The following PCDHGA6 variants were observed in gnomAD, a reference collection of about 807,000 sequenced individuals.
The protein encoded by PCDHGA6 is protocadherin gamma-A6.
Under a neutral mutation model 60.6 loss-of-function variants are expected in PCDHGA6, and 41 were observed. The observed-to-expected ratio is 0.68, with a 90% CI of 0.53 to 0.88. The LOEUF is 0.88. PCDHGA6 is among the 40% of genes least tolerant of loss of function. The pLI, the probability that PCDHGA6 is intolerant of heterozygous loss-of-function variation, is 0.00. For missense variants in PCDHGA6, 1,312 were observed against 1,203.0 expected (o/e 1.09, Z -1.34); for synonymous variants, 594 against 524.4 (o/e 1.13, Z -1.81).
At position 141,426,001 on chromosome 5, in the gene PCDHGA6, T is replaced by C. The variant is rs553657872; in HGVS notation, c.2424+49494T>C. Among the ~76,000 whole-genome samples, 3 of 152,318 alleles carry C rather than the reference T, an allele frequency of 2.0e-5. No individual in the cohort carries two copies. In the South Asian group the frequency reaches 6.2e-4, roughly 32 times the overall value. The stretch of plus-strand genomic sequence containing the variant: ...TGAATCCCATTGAATTAGCAAAGGC[T>C]TCCGGCTGCAGTTTTCTAAATAGAC... On this transcript the variant is annotated intron_variant, in intron 1 of 3. Transcript: ENST00000517434.
Position 141,489,471 on chromosome 5 carries a change from G to A in PCDHGA6, c.2425-5336G>A. ...AGGAGAATGGGCGCTATTTTTCCCT[G>A]AGCTTGATGAGTGGTGCCCTGGCAG... On this transcript the variant is annotated intron_variant, in intron 1 of 3. Transcript: ENST00000517434. This position sits in a 1 kb window ranked among gnomAD's most constrained non-coding sequence, Gnocchi z 4.5. 1 of 1,614,074 alleles carries A rather than the reference G, an allele frequency of 6.2e-7. No homozygotes were observed. The highest frequency in any genetic ancestry group is 8.5e-7 in the Non-Finnish European group (1 of 1,180,026).
intron 1 of PCDHGA6, among the ~76,000 whole-genome samples, chr5:141,456,460 C>G (rs1444956833): frequency 6.6e-6 from 1 of 152,002 alleles, no homozygotes; most frequent in East Asian, 1.9e-4. Context: ...AATATCAATA[C>G]AAGACATATA....
chr5:141,436,240 G>T (rs192988618), intron 1 of PCDHGA6, among the ~76,000 whole-genome samples: 1 of 152,082 alleles, frequency 6.6e-6, no homozygotes. Context: ...AGCTAACATG[G>T]TCTAATTATT....
intron 1 of PCDHGA6, among the ~76,000 whole-genome samples, chr5:141,449,714 A>G (rs1188830159): frequency 2.6e-5 from 4 of 151,334 alleles, no homozygotes; most frequent in African/African-American, 7.3e-5. Flanking sequence ...CATTATTTTT[A>G]TATGATATGA....
At chr5:141,420,006 GAC>G (rs745722189) in intron 1 of PCDHGA6, 1 of 1,613,936 alleles carries the variant, frequency 6.2e-7, no homozygotes, top group African/African-American at 1.3e-5. Flanking sequence ...CTACGCCTGC[GAC>G]AGTCTTTCAG....
rs368105487 is a variant in PCDHGA6 at position 141,489,478 on chromosome 5, A to G, written c.2425-5329A>G. On this transcript the variant is annotated intron_variant, in intron 1 of 3. Transcript: ENST00000517434. This position sits in a 1 kb window ranked among gnomAD's most constrained non-coding sequence, Gnocchi z 4.5. Reference sequence around the variant, plus strand: ...TGGGCGCTATTTTTCCCTGAGCTTGATGAGTGGTGCCCTGGCAGTGAATCA... The same window carrying G: ...TGGGCGCTATTTTTCCCTGAGCTTGGTGAGTGGTGCCCTGGCAGTGAATCA... The G allele has an allele frequency of 1.1e-5, 18 of 1,613,956 alleles. No individual in the cohort carries two copies. The highest frequency in any genetic ancestry group is 1.5e-5 in the Non-Finnish European group (18 of 1,180,030).
chr5:141,474,369 G>C (rs1424130168), intron 1 of PCDHGA6, among the ~76,000 whole-genome samples: 1 of 152,184 alleles, frequency 6.6e-6, no homozygotes, highest in Non-Finnish European at 1.5e-5. Flanking sequence ...AGTAGGTCTA[G>C]AGGAGGGCAT....
At chr5:141,400,411 T>G in intron 1 of PCDHGA6, 1 of 1,614,062 alleles carries the variant, frequency 6.2e-7, no homozygotes, top group Non-Finnish European at 8.5e-7. Flanking sequence ...GGAGTTTAAT[T>G]TCCTAAAATG....
intron 1 of PCDHGA6, chr5:141,424,569 C>A (rs1436039976): frequency 6.6e-6 from 1 of 151,996 alleles, no homozygotes; most frequent in African/African-American, 2.4e-5. Flanking sequence ...TCTCAAAAAC[C>A]TATTTTCAAA....
chr5:141,475,577 T>C (rs2099365697), intron 1 of PCDHGA6, among the ~76,000 whole-genome samples: 1 of 152,228 alleles, frequency 6.6e-6, no homozygotes, highest in Non-Finnish European at 1.5e-5. Context: ...ACAAGCCAGA[T>C]TTGTTGGTGT....
chr5:141,455,542 C>T (rs2154565110), intron 1 of PCDHGA6, among the ~76,000 whole-genome samples: 1 of 152,246 alleles, frequency 6.6e-6, no homozygotes, highest in African/African-American at 2.4e-5. Flanking sequence ...ATATCATTCA[C>T]GTAGCCCGAG....
chr5:141,413,337 G>A, intron 1 of PCDHGA6: 1 of 1,613,978 alleles, frequency 6.2e-7, no homozygotes, highest in Non-Finnish European at 8.5e-7. Flanking sequence ...ACATCTCCAA[G>A]GACTTGGGTC....
chr5:141,411,568 AG>A (rs2095500132), intron 1 of PCDHGA6: 1 of 152,232 alleles, frequency 6.6e-6, no homozygotes, highest in South Asian at 2.1e-4. Context: ...TGGGCGACAG[AG>A]TGCGACCCTG....
chr5:141,478,428 C>T (rs2154576655), intron 1 of PCDHGA6: 1 of 1,613,746 alleles, frequency 6.2e-7, no homozygotes, highest in Non-Finnish European at 8.5e-7. Flanking sequence ...CGCAGCGACC[C>T]GCTGCTGAAG....
chr5:141,413,575 G>A lies in PCDHGA6; in HGVS notation c.2424+37068G>A, dbSNP rs762938003. The stretch of plus-strand genomic sequence containing the variant: ...AGAAGTAACTGATATCAATGACAAT[G>A]CTCCAAAATTCCAAGCAGAAAATCT... On this transcript the variant is annotated intron_variant, in intron 1 of 3. Transcript: ENST00000517434. 4.3e-6 allele frequency: 7 copies of A among 1,613,886 alleles called. No individual in the cohort carries two copies. In the South Asian group the frequency reaches 6.6e-5, roughly 15 times the overall value.
chr5:141,468,131 C>G (rs1006565854), intron 1 of PCDHGA6, among the ~76,000 whole-genome samples: 1 of 151,766 alleles, frequency 6.6e-6, no homozygotes, highest in African/African-American at 2.4e-5. Flanking sequence ...TTGAGACCAG[C>G]CTGGCCAACA....
intron 1 of PCDHGA6, among the ~76,000 whole-genome samples, chr5:141,482,274 G>A (rs1219523359): frequency 6.6e-6 from 1 of 152,094 alleles, no homozygotes; most frequent in Non-Finnish European, 1.5e-5. Flanking sequence ...TTTAGCTTAG[G>A]TAAGTCTTTT....
intron 1 of PCDHGA6, chr5:141,393,608 A>G: frequency 6.2e-7 from 1 of 1,613,986 alleles, no homozygotes; most frequent in Non-Finnish European, 8.5e-7. Context: ...TTACTGTAAC[A>G]GCCAGCGACC....
At chr5:141,427,191 G>A (rs749528616) in intron 1 of PCDHGA6, 1 of 456,716 alleles carries the variant, frequency 2.2e-6, no homozygotes, top group South Asian at 1.5e-5. Flanking sequence ...TAAATCCAAA[G>A]ACTTAATAGA....
Sources: allele counts gnomAD v4.1 joint callset (sites outside exome capture counted in the v4.1 genomes callset), GRCh38; gene constraint gnomAD v4.1.1; non-coding constraint Gnocchi (gnomAD v3.1); transcripts MANE v1.5; gene names NCBI Gene and HGNC (gene_info 2026-07-23, HGNC 2026-07-21).